Variants in SLC6A11 observed in about 807,000 individuals in gnomAD.
SLC6A11 encodes the protein solute carrier family 6 member 11.
In SLC6A11, 25 loss-of-function variants were observed where a neutral mutation model predicts 74.8. The observed-to-expected ratio is 0.33, with a 90% CI of 0.24 to 0.47. The LOEUF is 0.47. SLC6A11 is among the 20% of genes least tolerant of loss of function. SLC6A11 has a pLI of 1.00. For missense variants in SLC6A11, 574 were observed against 837.0 expected (o/e 0.69, Z 3.88); for synonymous variants, 330 against 330.2 (o/e 1.00, Z 0.01).
At chr3:10,819,401 A>C in intron 1 of SLC6A11, 64 bp from the exon 2 acceptor site, 1 of 1,500,378 alleles carries the variant, frequency 6.7e-7, no homozygotes, top group South Asian at 1.3e-5. Context: ...TTTATTAAAG[A>C]GTTCTTGAGC....
At chr3:10,916,403 G>A (rs763000839) in intron 7 of SLC6A11, among the ~76,000 whole-genome samples, 2 of 152,190 alleles carry the variant, frequency 1.3e-5, no homozygotes, top group South Asian at 4.1e-4. Context: ...GTGATTGCTT[G>A]TATTGCTCAC....
chr3:10,897,457 C>T (rs1695184538), intron 6 of SLC6A11, among the ~76,000 whole-genome samples: 1 of 152,194 alleles, frequency 6.6e-6, no homozygotes, highest in African/African-American at 2.4e-5. Context: ...GTAAATACAA[C>T]CCTTCCAAAT....
chr3:10,899,885 G>T (rs1248123965), intron 6 of SLC6A11, among the ~76,000 whole-genome samples: 2 of 152,180 alleles, frequency 1.3e-5, no homozygotes, highest in African/African-American at 2.4e-5. Flanking sequence ...TGGAAAATGG[G>T]CTCAGCTGAC....
chr3:10,868,177 C>T (rs532518180), intron 5 of SLC6A11, among the ~76,000 whole-genome samples: 1 of 152,210 alleles, frequency 6.6e-6, no homozygotes, highest in African/African-American at 2.4e-5. Context: ...TGGAACTGGC[C>T]CCAGCTGCCC....
intron 6 of SLC6A11, among the ~76,000 whole-genome samples, chr3:10,884,497 T>C (rs528778214): frequency 6.6e-6 from 1 of 152,362 alleles, no homozygotes; most frequent in African/African-American, 2.4e-5. Context: ...TTAAAGGCTC[T>C]ACCAATGAGA....
intron 6 of SLC6A11, among the ~76,000 whole-genome samples, chr3:10,889,352 G>A (rs1695081391): frequency 6.6e-6 from 1 of 152,116 alleles, no homozygotes. Context: ...ACCTCCAAAT[G>A]TGCAATGTTG....
intron 6 of SLC6A11, among the ~76,000 whole-genome samples, chr3:10,908,895 C>T (rs1328897444): frequency 1.6e-4 from 25 of 151,994 alleles, no homozygotes; most frequent in Non-Finnish European, 5.9e-5. Flanking sequence ...CAATTCAATC[C>T]AATGTGACTT....
rs1297894431 is a variant in SLC6A11 at position 10,925,041 on chromosome 3, C to T, written c.1121-963C>T. 7.2e-5 allele frequency among the ~76,000 whole-genome samples: 11 copies of T among 152,128 alleles called. No individual in the cohort carries two copies. The East Asian group carries it at 7.7e-4, about 11-fold the overall frequency. On this transcript the variant is annotated intron_variant, in intron 8 of 13. Transcript: ENST00000254488. ...AAAAATTGAATTGATGGTTGCCCAA[C>T]GTGAAGAGGAGGAACGGAGGCGAAG...
intron 5 of SLC6A11, among the ~76,000 whole-genome samples, chr3:10,866,196 C>T (rs543172457): frequency 2.0e-5 from 3 of 152,326 alleles, no homozygotes; most frequent in African/African-American, 7.2e-5. Flanking sequence ...CATTTCAGCC[C>T]ATGGGAAGGG....
chr3:10,886,788 C>T (rs982863056), intron 6 of SLC6A11, among the ~76,000 whole-genome samples: 1 of 139,492 alleles, frequency 7.2e-6, no homozygotes, highest in Admixed American at 7.5e-5. Flanking sequence ...GCCTGGGCAA[C>T]AAGAGCGAGA....
chr3:10,825,888 G>A (rs1694203293), intron 4 of SLC6A11, among the ~76,000 whole-genome samples: 1 of 152,074 alleles, frequency 6.6e-6, no homozygotes, highest in Non-Finnish European at 1.5e-5. Flanking sequence ...TGGTCTCTTT[G>A]TCTATCTCTG....
intron 5 of SLC6A11, among the ~76,000 whole-genome samples, chr3:10,873,647 G>GCTA (rs1694866046): frequency 9.3e-6 from 1 of 107,970 alleles, no homozygotes; most frequent in Non-Finnish European, 1.9e-5. Flanking sequence ...GTCCTGTCCT[G>GCTA]TCCATCTATC....
chr3:10,817,162 G>T (rs570226642), intron 1 of SLC6A11, among the ~76,000 whole-genome samples: 4 of 152,200 alleles, frequency 2.6e-5, no homozygotes, highest in Non-Finnish European at 5.9e-5. Flanking sequence ...TTCCTGCCTA[G>T]TCTTTCGTCT....
chr3:10,916,504 A>T (rs1373565781), intron 7 of SLC6A11, among the ~76,000 whole-genome samples: 4 of 152,206 alleles, frequency 2.6e-5, no homozygotes, highest in Admixed American at 1.3e-4. Context: ...GGCTCAAGTC[A>T]GCTCCACGTG....
intron 5 of SLC6A11, among the ~76,000 whole-genome samples, chr3:10,864,106 A>T (rs1694735767): frequency 6.6e-6 from 1 of 152,028 alleles, no homozygotes; most frequent in Non-Finnish European, 1.5e-5. Flanking sequence ...TCCCAAGTGA[A>T]GCATTTTTCC....
chr3:10,910,740 A>G (rs1429310134), intron 6 of SLC6A11, among the ~76,000 whole-genome samples: 27 of 151,366 alleles, frequency 1.8e-4, no homozygotes, highest in Non-Finnish European at 4.0e-4. Flanking sequence ...TGGGCACATT[A>G]CTCAACCTCT....
At chr3:10,879,188 G>C (rs766359591) in intron 6 of SLC6A11, among the ~76,000 whole-genome samples, 1 of 152,188 alleles carries the variant, frequency 6.6e-6, no homozygotes, top group African/African-American at 2.4e-5. Context: ...AAATCCGTGA[G>C]CTGTAATGTT....
intron 5 of SLC6A11, among the ~76,000 whole-genome samples, chr3:10,861,476 C>T (rs1694702570): frequency 6.6e-6 from 1 of 152,054 alleles, no homozygotes; most frequent in South Asian, 2.1e-4. Flanking sequence ...GTGATTTCAC[C>T]ACTGCACTCT....
intron 7 of SLC6A11, among the ~76,000 whole-genome samples, chr3:10,917,872 C>T (rs570641470): frequency 2.2e-4 from 33 of 152,274 alleles, no homozygotes; most frequent in South Asian, 2.1e-3. Flanking sequence ...CGGAGGCTGC[C>T]GGAGCTTCAG....
Sources: gnomAD v4.1 joint callset for allele counts (sites outside exome capture counted in the v4.1 genomes callset) on GRCh38, gnomAD v4.1.1 for gene constraint, MANE v1.5 for transcripts, NCBI Gene and HGNC (gene_info 2026-07-23, HGNC 2026-07-21) for gene names.